Variants in HS3ST1 observed in about 807,000 individuals in gnomAD.
HS3ST1 encodes the protein heparan sulfate glucosamine 3-O-sulfotransferase 1.
HS3ST1 carries 8 observed loss-of-function variants against 20.7 expected under a neutral mutation model. That is an observed-to-expected ratio of 0.39 (90% CI 0.23 to 0.70). HS3ST1 has a LOEUF of 0.70. Ranked by LOEUF, HS3ST1 falls within the 30% of genes least tolerant of loss-of-function variation. The pLI, the probability that HS3ST1 is intolerant of heterozygous loss-of-function variation, is 0.46. For synonymous variants in HS3ST1, 205 were observed against 190.4 expected (o/e 1.08, Z -0.63); for missense variants, 436 against 423.4 (o/e 1.03, Z -0.26).
intron 1 of HS3ST1, among the ~76,000 whole-genome samples, chr4:11,414,566 A>G (rs1002056040): frequency 6.6e-6 from 1 of 152,104 alleles, no homozygotes; most frequent in African/African-American, 2.4e-5. Context: ...TAACAACCGT[A>G]TTTACTTCCC....
intron 1 of HS3ST1, 154 bp downstream of exon 1, chr4:11,428,545 T>A (rs1201194942): frequency 2.0e-5 from 3 of 152,512 alleles, no homozygotes; most frequent in Non-Finnish European, 4.4e-5. Context: ...CAGCCTTTGC[T>A]TCCTGGTTCC....
At chr4:11,413,820 C>T (rs919035832) in intron 1 of HS3ST1, among the ~76,000 whole-genome samples, 1 of 151,898 alleles carries the variant, frequency 6.6e-6, no homozygotes, top group African/African-American at 2.4e-5. Context: ...TGGTCTTATT[C>T]ATACTTTATG....
rs1355644890 is a variant in HS3ST1 at position 11,398,933 on chromosome 4, A to G, written c.*149T>C. On this transcript the variant is annotated 3_prime_UTR_variant, in exon 2 of 2. Transcript: ENST00000002596. ...AAGTAGAAAAATATAACTAGTATAT[A>G]TGGCAATTGTGAATCTAATACTGTA... is the stretch of plus-strand genomic sequence containing the variant. 2 of 654,368 alleles carry G rather than the reference A, an allele frequency of 3.1e-6. No individual in the cohort carries two copies. Among genetic ancestry groups the G allele is most frequent in the Admixed American group, 3.2e-5 (1 of 31,376 alleles). 40.5% of individuals were successfully genotyped at this position (654,368 alleles called of 1,614,324 possible).
intron 1 of HS3ST1, among the ~76,000 whole-genome samples, chr4:11,408,301 C>T (rs910435817): frequency 6.6e-6 from 1 of 152,006 alleles, no homozygotes; most frequent in African/African-American, 2.4e-5. Flanking sequence ...TACTGACTGG[C>T]CTGTGGTAAG....
chr4:11,425,505 G>T (rs1719037327), intron 1 of HS3ST1, among the ~76,000 whole-genome samples: 1 of 152,174 alleles, frequency 6.6e-6, no homozygotes, highest in African/African-American at 2.4e-5. Flanking sequence ...ATCATTCTGA[G>T]AAGTAGTGAG....
intron 1 of HS3ST1, among the ~76,000 whole-genome samples, chr4:11,401,481 A>G (rs1166886825): frequency 2.6e-5 from 4 of 151,884 alleles, no homozygotes; most frequent in Non-Finnish European, 5.9e-5. Context: ...AGTAGCTGAG[A>G]TTACAGGCAT....
At chr4:11,418,248 T>A (rs1010830495) in intron 1 of HS3ST1, among the ~76,000 whole-genome samples, 11 of 152,162 alleles carry the variant, frequency 7.2e-5, no homozygotes. Flanking sequence ...AGCAGCTAGA[T>A]CTATGATGAC....
chr4:11,400,502 T>C (rs115587498), intron 1 of HS3ST1, among the ~76,000 whole-genome samples: 2,761 of 152,320 alleles, frequency 0.018, 43 homozygotes, highest in Middle Eastern at 0.031. Context: ...TCATTTTATA[T>C]GTTTAGCTGG....
intron 1 of HS3ST1, among the ~76,000 whole-genome samples, chr4:11,415,769 T>A (rs1296603526): frequency 6.6e-6 from 1 of 152,220 alleles, no homozygotes; most frequent in African/African-American, 2.4e-5. Context: ...GTGCTGCCTT[T>A]AGCAGAGAAC....
intron 1 of HS3ST1, among the ~76,000 whole-genome samples, chr4:11,406,996 C>T (rs1291172985): frequency 2.6e-5 from 4 of 152,086 alleles, no homozygotes; most frequent in Non-Finnish European, 5.9e-5. Context: ...AGATTTTCAT[C>T]CTTGGCAGGT....
intron 1 of HS3ST1, among the ~76,000 whole-genome samples, chr4:11,412,775 A>T (rs1032756604): frequency 6.6e-6 from 1 of 152,162 alleles, no homozygotes; most frequent in African/African-American, 2.4e-5. Context: ...ATGCTTAACC[A>T]TTACTAGAAT....
upstream of HS3ST1, among the ~76,000 whole-genome samples, chr4:11,431,356 G>GT (rs59076271): frequency 0.039 from 5,943 of 152,142 alleles, 214 homozygotes; most frequent in African/African-American, 0.1. Flanking sequence ...CACAGTAGTA[G>GT]TTGACTGCAA....
chr4:11,432,075 G>A (rs1719216326), upstream of HS3ST1, among the ~76,000 whole-genome samples: 2 of 152,142 alleles, frequency 1.3e-5, no homozygotes, highest in Non-Finnish European at 2.9e-5. Flanking sequence ...AGTGCTCTAT[G>A]TAATTAAGTA....
chr4:11,410,839 C>G (rs1484333919), intron 1 of HS3ST1, among the ~76,000 whole-genome samples: 1 of 152,036 alleles, frequency 6.6e-6, no homozygotes, highest in African/African-American at 2.4e-5. Flanking sequence ...TTGCAGTGAG[C>G]CAAGATCACA....
chr4:11,399,819 G>A lies in HS3ST1; in HGVS notation c.187C>T (p.Arg63Cys), dbSNP rs1277515643. The change falls in exon 2 of 2, where the codon CGC becomes TGC. Residue 63 changes from arginine to cysteine, a missense_variant. By Grantham distance (180) the Arg-to-Cys change is radical (BLOSUM62 -3). Transcript: ENST00000002596. The surrounding 1 kb of genome is among the most constrained non-coding windows in gnomAD (Gnocchi z 5.1). ...AGCAGTGCGCGCGTGCCGCCCTTGCGCACGCCGATGATGATGGTCTGCGGC... is the reference window on the plus strand; with the variant it reads ...AGCAGTGCGCGCGTGCCGCCCTTGCACACGCCGATGATGATGGTCTGCGGC... Reference protein sequence around the residue: ...QLPQTIIIGVRKGGTRALLEM... With the variant: ...QLPQTIIIGVCKGGTRALLEM... 1.9e-6 allele frequency: 3 copies of A among 1,612,972 alleles called. No individual in the cohort carries two copies. Among genetic ancestry groups the A allele is most frequent in the Non-Finnish European group, 2.5e-6 (3 of 1,179,792 alleles).
upstream of HS3ST1, among the ~76,000 whole-genome samples, chr4:11,429,928 C>G (rs762258000): frequency 3.8e-4 from 58 of 152,038 alleles, no homozygotes; most frequent in Non-Finnish European, 6.8e-4. Flanking sequence ...AAAGCAAATG[C>G]ACATCAAAGT....
chr4:11,430,239 G>T (rs1719178094), upstream of HS3ST1, among the ~76,000 whole-genome samples: 1 of 152,104 alleles, frequency 6.6e-6, no homozygotes, highest in Non-Finnish European at 1.5e-5. Context: ...GCTTTTAGGA[G>T]TTGAATGACC....
intron 1 of HS3ST1, among the ~76,000 whole-genome samples, chr4:11,414,477 G>A (rs1036033837): frequency 1.3e-5 from 2 of 152,180 alleles, no homozygotes; most frequent in Non-Finnish European, 2.9e-5. Context: ...GTACCATAAA[G>A]ATGAGTTTTC....
rs542337473 is a variant in HS3ST1 at position 11,395,156 on chromosome 4, A to G, written c.*3926T>C. 2 of 152,168 alleles carry G rather than the reference A, an allele frequency of 1.3e-5. No homozygotes were observed. The highest frequency in any genetic ancestry group is 2.9e-5 in the Non-Finnish European group (2 of 68,018). The allele number at this position is 152,168 out of a possible 1,614,324, so 9.4% of individuals were successfully genotyped here. ...CAGAATGCCCTGCTCTGGTGACACTACTGCCATTCGTGCGTGCCCCAGCTT... is the reference window on the plus strand; with the variant it reads ...CAGAATGCCCTGCTCTGGTGACACTGCTGCCATTCGTGCGTGCCCCAGCTT... On this transcript the variant is annotated 3_prime_UTR_variant, in exon 2 of 2. Transcript: ENST00000002596.
Sources: gnomAD v4.1 joint callset for allele counts (sites outside exome capture counted in the v4.1 genomes callset) on GRCh38, gnomAD v4.1.1 for gene constraint, Gnocchi (gnomAD v3.1) non-coding constraint, MANE v1.5 for transcripts, NCBI Gene and HGNC (gene_info 2026-07-23, HGNC 2026-07-21) for gene names.